FRMD7: variants seen among roughly 807,000 people sequenced by gnomAD.
The protein encoded by FRMD7 is FERM domain-containing protein 7.
A neutral mutation model predicts 44.1 loss-of-function variants in FRMD7; 14 were observed. The observed-to-expected ratio is 0.32, with a 90% CI of 0.21 to 0.50. The LOEUF (loss-of-function observed/expected upper bound fraction) is 0.50, where lower values mean the gene tolerates loss of function less well. FRMD7 is among the 20% of genes least tolerant of loss of function. The pLI, the probability that FRMD7 is intolerant of heterozygous loss-of-function variation, is 0.99. For synonymous variants in FRMD7, 212 were observed against 187.4 expected (o/e 1.13, Z -1.07); for missense variants, 501 against 522.3 (o/e 0.96, Z 0.40).
At chrX:132,113,706 A>T (rs1217143862) in intron 1 of FRMD7, among the ~76,000 whole-genome samples, 1 of 111,313 alleles carries the variant, frequency 9.0e-6, no homozygotes, top group Non-Finnish European at 1.9e-5. Context: ...TTTTGATACA[A>T]GCATGCAATG....
Position 132,077,763 on chromosome X carries a change from A to C in FRMD7, c.*109T>G. On this transcript the variant is annotated 3_prime_UTR_variant, in exon 12 of 12. Transcript: ENST00000298542. ...CAGGCATCCAAAATGAGATTTCCTT[A>C]ATACCAATGAATATGTAGTAACCAA... The C allele has an allele frequency of 2.0e-4, 219 of 1,075,752 alleles. No homozygotes were observed. The highest frequency in any genetic ancestry group is 2.5e-4 in the Non-Finnish European group (200 of 790,013). 88.7% of individuals were successfully genotyped at this position (1,075,752 alleles called of 1,213,427 possible). A position where few individuals can be genotyped will look rare whatever the true frequency, so the allele number is the denominator to read the frequency against.
At chrX:132,086,105 C>T in intron 5 of FRMD7, 71 bp from the exon 6 acceptor site, 1 of 645,100 alleles carries the variant, frequency 1.6e-6, no homozygotes, top group Non-Finnish European at 2.6e-6. Context: ...CCAGCATACC[C>T]TTGTCCTCCA....
chrX:132,102,349 A>G (rs760156266), intron 1 of FRMD7, among the ~76,000 whole-genome samples: 1 of 111,920 alleles, frequency 8.9e-6, no homozygotes, highest in Non-Finnish European at 1.9e-5. Context: ...CATCCCTTGC[A>G]CCTGGAGACA....
intron 3 of FRMD7, 84 bp from the exon 4 acceptor site, chrX:132,097,428 C>CA (rs1928373262): frequency 1.2e-4 from 69 of 587,523 alleles, no homozygotes; most frequent in African/African-American, 3.4e-4. Context: ...CACACACACA[C>CA]CCACACACAC....
chrX:132,093,963 T>C (rs1928254157), intron 5 of FRMD7, 79 bp downstream of exon 5: 5 of 612,239 alleles, frequency 8.2e-6, no homozygotes, highest in Non-Finnish European at 1.4e-5. Context: ...GTGATGGGCA[T>C]GTGTGGGGAG....
intron 1 of FRMD7, among the ~76,000 whole-genome samples, chrX:132,107,634 G>GAGAGAGAGAGAGAGAGA (rs1928681190): frequency 1.8e-4 from 12 of 66,279 alleles, no homozygotes; most frequent in African/African-American, 4.7e-4. Flanking sequence ...AGAGAGAGAG[G>GAGAGAGAGAGAGAGAGA]GAGGGAGAAT....
At chrX:132,113,920 TC>T (rs1928839275) in intron 1 of FRMD7, among the ~76,000 whole-genome samples, 1 of 48,117 alleles carries the variant, frequency 2.1e-5, no homozygotes, top group Admixed American at 2.6e-4. Flanking sequence ...CATCCCCACC[TC>T]CCCCCAAGTC....
chrX:132,092,883 C>G (rs1928220793), intron 5 of FRMD7, among the ~76,000 whole-genome samples: 1 of 111,945 alleles, frequency 8.9e-6, no homozygotes, highest in South Asian at 3.7e-4. Flanking sequence ...CATTTTCCAT[C>G]ACCTCTTCTA....
At chrX:132,103,250 T>C (rs1302073910) in intron 1 of FRMD7, among the ~76,000 whole-genome samples, 1 of 112,255 alleles carries the variant, frequency 8.9e-6, no homozygotes, top group Non-Finnish European at 1.9e-5. Flanking sequence ...GTTATGTTTC[T>C]CTTTCTTGTA....
chrX:132,081,061 A>G (rs1927791414), intron 9 of FRMD7, among the ~76,000 whole-genome samples: 1 of 111,576 alleles, frequency 9.0e-6, no homozygotes, highest in African/African-American at 3.3e-5. Flanking sequence ...TTAGCCAGGC[A>G]CCATGGCTCA....
intron 1 of FRMD7, among the ~76,000 whole-genome samples, chrX:132,116,111 G>A (rs1042825446): frequency 4.5e-5 from 5 of 111,948 alleles, no homozygotes; most frequent in South Asian, 3.7e-4. Context: ...ATGTTTTATC[G>A]ACTGACATTA....
At chrX:132,104,617 C>A (rs759299870) in intron 1 of FRMD7, among the ~76,000 whole-genome samples, 4 of 111,285 alleles carry the variant, frequency 3.6e-5, no homozygotes, top group African/African-American at 1.3e-4. Flanking sequence ...GGTGTGAACC[C>A]GGGAGGCGGA....
At chrX:132,116,373 A>T (rs1180146104) in intron 1 of FRMD7, among the ~76,000 whole-genome samples, 2 of 111,657 alleles carry the variant, frequency 1.8e-5, no homozygotes, top group East Asian at 2.8e-4. Flanking sequence ...CTCAGATGCC[A>T]CGTATTTTTC....
chrX:132,122,922 C>T (rs1929070557), intron 1 of FRMD7, among the ~76,000 whole-genome samples: 1 of 112,031 alleles, frequency 8.9e-6, no homozygotes, highest in Admixed American at 9.5e-5. Context: ...ATATAGAATA[C>T]ATTGCCTGAA....
intron 7 of FRMD7, among the ~76,000 whole-genome samples, chrX:132,085,199 A>G (rs1927943763): frequency 9.2e-6 from 1 of 108,633 alleles, no homozygotes; most frequent in Non-Finnish European, 1.9e-5. Context: ...CCCATTTCCA[A>G]CTCCTCTAAA....
At chrX:132,103,495 TC>T (rs1928563218) in intron 1 of FRMD7, among the ~76,000 whole-genome samples, 1 of 88,528 alleles carries the variant, frequency 1.1e-5, no homozygotes, top group Admixed American at 1.2e-4. Context: ...TGTCTATCTA[TC>T]TATCTATCTA....
In FRMD7 at chrX:132,077,524, C is replaced by G; in HGVS notation, c.*348G>C. 1 of 226,974 alleles carries G rather than the reference C, an allele frequency of 4.4e-6. No homozygotes were observed. Among genetic ancestry groups the G allele is most frequent in the Non-Finnish European group, 8.0e-6 (1 of 125,254 alleles). The allele number at this position is 226,974 out of a possible 1,213,427, so 18.7% of individuals were successfully genotyped here. On this transcript the variant is annotated 3_prime_UTR_variant, in exon 12 of 12. Transcript: ENST00000298542. The stretch of plus-strand genomic sequence containing the variant: ...CACTAAATGCCATTAGACGCTAATT[C>G]CATATGCCAACCCATACTGTCACCA...
Position 132,077,929 on chromosome X carries a change from G to A in FRMD7, c.2088C>T (p.Asn696=), listed in dbSNP as rs1399194572. The A allele has an allele frequency of 8.3e-7, 1 of 1,211,068 alleles. No homozygotes were observed. The highest frequency in any genetic ancestry group is 1.1e-6 in the Non-Finnish European group (1 of 894,877). ...AAGTCCTGTCTTCAGCAGTTGGTGT[G>A]TTGAAATAAGCATCTTCATCTTCTT... ...LDEEDEDAYF[N]TPTAEDRTSL... is the part of the protein sequence containing the mutation. Residue 696 remains asparagine, a synonymous_variant, in exon 12 of 12, where the codon AAC becomes AAT. Transcript: ENST00000298542.
intron 4 of FRMD7, among the ~76,000 whole-genome samples, chrX:132,094,656 C>A (rs1055896106): frequency 4.5e-5 from 5 of 111,913 alleles, no homozygotes; most frequent in Non-Finnish European, 3.8e-5. Context: ...GATAGTGAAT[C>A]TGTGGCTAGA....
Sources: gnomAD v4.1 joint callset for allele counts (sites outside exome capture counted in the v4.1 genomes callset) on GRCh38, gnomAD v4.1.1 for gene constraint, MANE v1.5 for transcripts, NCBI Gene and HGNC (gene_info 2026-07-23, HGNC 2026-07-21) for gene names.